Variants in LCP2 observed in about 807,000 individuals in gnomAD.
LCP2 encodes the protein 76 kDa tyrosine phosphoprotein.
In LCP2, 29 loss-of-function variants were observed where a neutral mutation model predicts 74.5. The ratio of observed to expected loss-of-function variants is 0.39; its 90% CI spans 0.29 to 0.53. The LOEUF is 0.53. LCP2 is among the 20% of genes least tolerant of loss of function. The probability of loss-of-function intolerance (pLI) is 0.72; values close to 1 mark genes in which losing one functional copy is unlikely to be tolerated. For synonymous variants in LCP2, 228 were observed against 229.5 expected (o/e 0.99, Z 0.06); for missense variants, 604 against 634.6 (o/e 0.95, Z 0.52).
intron 19 of LCP2, chr5:170,251,633 T>C (rs1761445626): frequency 2.2e-6 from 1 of 456,118 alleles, no homozygotes; most frequent in African/African-American, 2.0e-5. Flanking sequence ...TTTCCTTTGT[T>C]CCTTTTATTG....
chr5:170,267,269 T>A (rs1259307071), intron 8 of LCP2, 194 bp from the exon 9 acceptor site: 2 of 610,838 alleles, frequency 3.3e-6, no homozygotes, highest in Non-Finnish European at 5.8e-6. Flanking sequence ...CCACGCAAGC[T>A]CTTTTCTGCA....
In LCP2 at chr5:170,246,317, C is replaced by T; in HGVS notation, c.*2380G>A. The stretch of plus-strand genomic sequence containing the variant: ...GCAAGTGTATGACATAGGAAATTGG[C>T]CATGGGTCACTGCTTATCCTTTAGC... On this transcript the variant is annotated 3_prime_UTR_variant, in exon 21 of 21. Transcript: ENST00000046794. The T allele has an allele frequency of 2.3e-6, 1 of 425,836 alleles. No homozygotes were observed. The highest frequency in any genetic ancestry group is 4.2e-6 in the Non-Finnish European group (1 of 240,830). 26.4% of individuals were successfully genotyped at this position (425,836 alleles called of 1,614,324 possible).
rs944725693 is a variant in LCP2 at position 170,262,667 on chromosome 5, G to A, written c.894C>T (p.Ser298=). The change falls in exon 13 of 21, where the codon AGC becomes AGT. Residue 298 remains serine (S), a synonymous_variant. Transcript: ENST00000046794. ...CAGGTGGCTTCTTCCCTGGCAGGGG[G>A]CTGCTCCTTTCATGTCTTTCCGTGG... ...PPTTERHERS[S]PLPGKKPPVP... 2.4e-5 allele frequency: 39 copies of A among 1,613,800 alleles called. No homozygotes were observed. Among genetic ancestry groups the A allele is most frequent in the African/African-American group, 5.3e-5 (4 of 74,942 alleles).
intron 6 of LCP2, among the ~76,000 whole-genome samples, chr5:170,271,896 T>C (rs1761902171): frequency 6.6e-6 from 1 of 152,224 alleles, no homozygotes; most frequent in South Asian, 2.1e-4. Context: ...AGACTGTCTT[T>C]ACGTTGTTCT....
chr5:170,290,990 A>AAGAAAGAAAGAAAGAG (rs1762283439), intron 2 of LCP2, among the ~76,000 whole-genome samples: 3 of 71,294 alleles, frequency 4.2e-5, no homozygotes, highest in Non-Finnish European at 6.5e-5. Flanking sequence ...GAAAGAAAGA[A>AAGAAAGAAAGAAAGAG]AGAAAGAAAG....
intron 3 of LCP2, among the ~76,000 whole-genome samples, chr5:170,285,611 C>G (rs1181218986): frequency 6.6e-6 from 1 of 152,182 alleles, no homozygotes; most frequent in African/African-American, 2.4e-5. Flanking sequence ...TATTCCCCAC[C>G]ACTAAGGCAA....
chr5:170,272,374 A>G (rs1761909213), intron 6 of LCP2, among the ~76,000 whole-genome samples: 1 of 152,204 alleles, frequency 6.6e-6, no homozygotes, highest in Admixed American at 6.5e-5. Context: ...CCCTGAGCAG[A>G]CAAAACCAGT....
At position 170,247,721 on chromosome 5, in the gene LCP2, CA is replaced by C. The variant is rs1761330027; in HGVS notation, c.*975del. The C allele has an allele frequency of 1.3e-5, 2 of 152,110 alleles. No homozygotes were observed. Among genetic ancestry groups the C allele is most frequent in the Non-Finnish European group, 1.5e-5 (1 of 68,022 alleles). 9.4% of individuals were successfully genotyped at this position (152,110 alleles called of 1,614,324 possible). On this transcript the variant is annotated 3_prime_UTR_variant, in exon 21 of 21. Coordinates refer to ENST00000046794, the MANE Select transcript of LCP2 (RefSeq NM_005565.5). ...AGAAGGGACTTTATGGCAGAGCTGT[CA>C]GGGGGATAACAAGAGACAGAAGAGC...
chr5:170,289,687 T>TC (rs1561978487), intron 2 of LCP2, among the ~76,000 whole-genome samples: 83 of 85,942 alleles, frequency 9.7e-4, no homozygotes, highest in African/African-American at 2.6e-3. Context: ...CTCTCTCTCT[T>TC]TCTTTCTTTC....
At chr5:170,282,474 T>A (rs1208275468) in intron 3 of LCP2, among the ~76,000 whole-genome samples, 1 of 152,132 alleles carries the variant, frequency 6.6e-6, no homozygotes, top group Admixed American at 6.5e-5. Flanking sequence ...TCTGATTGCC[T>A]AAATGACTTC....
At chr5:170,261,170 A>T in intron 13 of LCP2, 33 bp from the exon 14 acceptor site, 2 of 1,547,484 alleles carry the variant, frequency 1.3e-6, no homozygotes, top group Non-Finnish European at 1.8e-6. Context: ...AAAAGAACTG[A>T]GCATGAAGAG....
At chr5:170,273,904 T>C (rs1761938360) in intron 6 of LCP2, 1 of 154,880 alleles carries the variant, frequency 6.5e-6, no homozygotes, top group Non-Finnish European at 1.3e-5. Flanking sequence ...TTTCTAGGAG[T>C]GTCCATTTTT....
At chr5:170,292,225 T>A (rs1248004162) in intron 2 of LCP2, among the ~76,000 whole-genome samples, 3 of 152,174 alleles carry the variant, frequency 2.0e-5, no homozygotes. Flanking sequence ...GGCGAATGAA[T>A]GAATGATTTA....
chr5:170,260,960 C>A, intron 14 of LCP2, 147 bp downstream of exon 14: 1 of 654,878 alleles, frequency 1.5e-6, no homozygotes, highest in Admixed American at 2.4e-5. Flanking sequence ...AAGACAGAGG[C>A]ACCAGCCCTT....
At chr5:170,261,610 C>T (rs1230464813) in intron 13 of LCP2, among the ~76,000 whole-genome samples, 2 of 152,210 alleles carry the variant, frequency 1.3e-5, no homozygotes, top group East Asian at 1.9e-4. Context: ...ACAGCCCTCT[C>T]AGGGCCCACC....
Position 170,261,131 on chromosome 5 carries a change from T to C in LCP2, c.933A>G (p.Gly311=), listed in dbSNP as rs1228888150. ...PGKKPPVPKH[G]WGPDRRENDE... ...CATTCTCTCTTCTGTCTGGTCCCCA[T>C]CCATGCCTGAAATGAATTAGGGCAA... Residue 311 remains glycine, a synonymous_variant, in exon 14 of 21, where the codon GGA becomes GGG. Coordinates refer to ENST00000046794, the MANE Select transcript of LCP2 (RefSeq NM_005565.5). 1 of 1,604,474 alleles carries C rather than the reference T, an allele frequency of 6.2e-7. No individual in the cohort carries two copies. Among genetic ancestry groups the C allele is most frequent in the Admixed American group, 1.7e-5 (1 of 59,932 alleles).
chr5:170,285,549 G>T (rs1020021332), intron 3 of LCP2, among the ~76,000 whole-genome samples: 1 of 152,144 alleles, frequency 6.6e-6, no homozygotes, highest in Admixed American at 6.5e-5. Context: ...TTTGGGTCTT[G>T]CTTTTAAGGT....
chr5:170,284,952 T>C (rs1334964310), intron 3 of LCP2, among the ~76,000 whole-genome samples: 2 of 152,264 alleles, frequency 1.3e-5, no homozygotes, highest in African/African-American at 4.8e-5. Flanking sequence ...GGTTTTGTCA[T>C]GTTGGCCAGG....
chr5:170,261,246 G>T, intron 13 of LCP2, 109 bp from the exon 14 acceptor site: 2 of 796,752 alleles, frequency 2.5e-6, no homozygotes, highest in Non-Finnish European at 2.1e-6. Context: ...AACCCACTGA[G>T]CCTAGGGAAG....
Sources: gnomAD v4.1 joint callset for allele counts (sites outside exome capture counted in the v4.1 genomes callset) on GRCh38, gnomAD v4.1.1 for gene constraint, MANE v1.5 for transcripts, NCBI Gene and HGNC (gene_info 2026-07-23, HGNC 2026-07-21) for gene names.